GCM1: variants seen among roughly 807,000 people sequenced by gnomAD.
GCM1 encodes GCM transcription factor 1.
GCM1 carries 2 observed loss-of-function variants against 25.7 expected under a neutral mutation model. That is an observed-to-expected ratio of 0.08 (90% CI 0.03 to 0.24). The LOEUF is 0.24. GCM1 is among the 10% of genes least tolerant of loss of function. GCM1 has a pLI of 1.00. For missense variants in GCM1, 395 were observed against 538.7 expected (o/e 0.73, Z 2.64); for synonymous variants, 183 against 195.7 (o/e 0.94, Z 0.54).
chr6:53,131,841 T>C (rs1230390268), intron 4 of GCM1, 166 bp downstream of exon 4: 5 of 613,284 alleles, frequency 8.2e-6, no homozygotes, highest in Non-Finnish European at 1.5e-5. Flanking sequence ...CTTCTAGAGC[T>C]CCCCAGCACT....
intron 2 of GCM1, among the ~76,000 whole-genome samples, chr6:53,139,525 T>G: frequency 6.8e-6 from 1 of 147,638 alleles, no homozygotes; most frequent in Non-Finnish European, 1.5e-5. Flanking sequence ...AAGGGGGAAT[T>G]ACTGATTACT....
At chr6:53,147,416 G>GTTTTTAT (rs1344941838) in intron 1 of GCM1, among the ~76,000 whole-genome samples, 2 of 105,760 alleles carry the variant, frequency 1.9e-5, no homozygotes, top group South Asian at 3.0e-4. Context: ...CTTTTCTTTA[G>GTTTTTAT]TTTTTATTGT....
intron 1 of GCM1, among the ~76,000 whole-genome samples, chr6:53,148,271 A>C (rs1315533016): frequency 1.3e-5 from 2 of 152,198 alleles, no homozygotes; most frequent in African/African-American, 4.8e-5. Flanking sequence ...TGTTATAACT[A>C]ATTGGAATAG....
intron 3 of GCM1, among the ~76,000 whole-genome samples, chr6:53,132,342 C>T (rs912142352): frequency 9.2e-5 from 14 of 152,216 alleles, no homozygotes; most frequent in Admixed American, 3.9e-4. Flanking sequence ...AAGTGGTTGC[C>T]TACCAAGTAG....
At chr6:53,144,501 A>C (rs999826827) in intron 2 of GCM1, among the ~76,000 whole-genome samples, 5 of 152,220 alleles carry the variant, frequency 3.3e-5, no homozygotes, top group South Asian at 4.2e-4. Flanking sequence ...GTATTTCCAA[A>C]ATAGGAGGAG....
At chr6:53,131,066 A>T (rs879758996) in intron 4 of GCM1, 135 bp from the exon 5 acceptor site, 4 of 793,056 alleles carry the variant, frequency 5.0e-6, no homozygotes, top group Non-Finnish European at 8.2e-6. Flanking sequence ...ACCAGACTGG[A>T]TGAACCTCTG....
chr6:53,141,503 C>T (rs918189328), intron 2 of GCM1, among the ~76,000 whole-genome samples: 19 of 151,848 alleles, frequency 1.3e-4, no homozygotes, highest in African/African-American at 3.6e-4. Flanking sequence ...CTGGCTAACA[C>T]GGTGAAACCC....
chr6:53,134,002 C>T (rs1270919081), intron 3 of GCM1, 70 bp downstream of exon 3: 16 of 1,454,542 alleles, frequency 1.1e-5, no homozygotes, highest in Non-Finnish European at 1.5e-5. Context: ...TGCTGGGACA[C>T]AGTGACCCAT....
chr6:53,134,058 T>G lies in GCM1; in HGVS notation c.328+14A>C, dbSNP rs2518573. 0.72 allele frequency: 1,163,627 copies of G among 1,608,394 alleles called. 423,696 individuals are homozygous for G. The highest frequency in any genetic ancestry group is 0.77 in the Admixed American group (46,047 of 59,762). On this transcript the variant is annotated intron_variant, in intron 3 of 5. Transcript: ENST00000259803. ...ATGCCAGCTTTTTTGCTGGTGCCAC[T>G]AAGCTCTACTCACGCTGCTGCTTCT...
chr6:53,144,455 A>T (rs965035195), intron 2 of GCM1, among the ~76,000 whole-genome samples: 1 of 152,016 alleles, frequency 6.6e-6, no homozygotes, highest in African/African-American at 2.4e-5. Flanking sequence ...TGCCAAAGAA[A>T]ATGTGAAATG....
chr6:53,141,544 G>A (rs1187438743), intron 2 of GCM1, among the ~76,000 whole-genome samples: 2 of 152,098 alleles, frequency 1.3e-5, no homozygotes, highest in South Asian at 2.1e-4. Context: ...AAAATTAGCC[G>A]GACACGGTGG....
chr6:53,131,955 G>A (rs1346385221), intron 4 of GCM1, 52 bp downstream of exon 4: 1 of 1,007,420 alleles, frequency 9.9e-7, no homozygotes, highest in Admixed American at 1.7e-5. Flanking sequence ...TCTAGCCTCT[G>A]GTGAAACTCC....
At chr6:53,142,366 G>A (rs1207994698) in intron 2 of GCM1, among the ~76,000 whole-genome samples, 1 of 152,092 alleles carries the variant, frequency 6.6e-6, no homozygotes, top group Non-Finnish European at 1.5e-5. Flanking sequence ...AATAAGTTGG[G>A]GTAATACTGC....
At position 53,127,126 on chromosome 6, in the gene GCM1, T is replaced by C. The variant is rs1292724155; in HGVS notation, c.*1080A>G. 1.3e-5 allele frequency: 2 copies of C among 152,132 alleles called. No homozygotes were observed. Among genetic ancestry groups the C allele is most frequent in the Admixed American group, 1.3e-4 (2 of 15,278 alleles). The allele number at this position is 152,132 out of a possible 1,614,324, so 9.4% of individuals were successfully genotyped here. ...AAGAGCTTCTCCAAGCAAATATTTCTCACCTATTACAAACCCCACATTGAT... is the reference window on the plus strand; with the variant it reads ...AAGAGCTTCTCCAAGCAAATATTTCCCACCTATTACAAACCCCACATTGAT... On this transcript the variant is annotated 3_prime_UTR_variant, in exon 6 of 6. Coordinates refer to ENST00000259803, the MANE Select transcript of GCM1 (RefSeq NM_003643.4).
intron 2 of GCM1, among the ~76,000 whole-genome samples, chr6:53,140,987 T>C (rs1763863579): frequency 6.6e-6 from 1 of 152,158 alleles, no homozygotes; most frequent in Non-Finnish European, 1.5e-5. Context: ...AATAATGACA[T>C]AAATAATAGA....
At chr6:53,135,165 C>A (rs551181681) in intron 2 of GCM1, among the ~76,000 whole-genome samples, 13 of 152,174 alleles carry the variant, frequency 8.5e-5, no homozygotes, top group African/African-American at 3.1e-4. Flanking sequence ...TGTCATTCAA[C>A]GGACAAAGTT....
chr6:53,130,314 G>T (rs546390389), intron 5 of GCM1, among the ~76,000 whole-genome samples: 1 of 152,210 alleles, frequency 6.6e-6, no homozygotes, highest in East Asian at 1.9e-4. Flanking sequence ...TTGTCTATAG[G>T]GAGTAGCCTC....
intron 2 of GCM1, among the ~76,000 whole-genome samples, chr6:53,142,317 A>G (rs1763887590): frequency 6.6e-6 from 1 of 152,124 alleles, no homozygotes; most frequent in African/African-American, 2.4e-5. Context: ...GGGAACATCA[A>G]CCCCTGAAGG....
At chr6:53,146,591 G>A (rs1383651226) in intron 1 of GCM1, among the ~76,000 whole-genome samples, 2 of 152,140 alleles carry the variant, frequency 1.3e-5, no homozygotes, top group Non-Finnish European at 2.9e-5. Flanking sequence ...AATCCTGTGC[G>A]CACGATATAT....
Sources: allele counts gnomAD v4.1 joint callset (sites outside exome capture counted in the v4.1 genomes callset), GRCh38; gene constraint gnomAD v4.1.1; transcripts MANE v1.5; gene names NCBI Gene and HGNC (gene_info 2026-07-23, HGNC 2026-07-21).